The following SFSWAP variants were observed in gnomAD, a reference collection of about 807,000 sequenced individuals.
The protein encoded by SFSWAP is splicing factor SWAP.
SFSWAP carries 17 observed loss-of-function variants against 100.7 expected under a neutral mutation model. That is an observed-to-expected ratio of 0.17 (90% CI 0.12 to 0.25). The LOEUF is 0.25. Ranked by LOEUF, SFSWAP falls within the 10% of genes least tolerant of loss-of-function variation. The pLI, the probability that SFSWAP is intolerant of heterozygous loss-of-function variation, is 1.00. For missense variants in SFSWAP, 1,005 were observed against 1,262.6 expected, an observed-to-expected ratio of 0.80 and a Z score of 3.09; for synonymous variants, 504 against 510.1, an observed-to-expected ratio of 0.99 and a Z score of 0.16.
At chr12:131,741,648 A>AC (rs1168203535) in intron 7 of SFSWAP, among the ~76,000 whole-genome samples, 21 of 151,866 alleles carry the variant, frequency 1.4e-4, no homozygotes, top group African/African-American at 5.1e-4. Flanking sequence ...TCTGTCCAAA[A>AC]AAAAAAAAAA....
chr12:131,720,038 A>T (rs965020760), intron 4 of SFSWAP, among the ~76,000 whole-genome samples: 6 of 152,178 alleles, frequency 3.9e-5, no homozygotes, highest in Non-Finnish European at 8.8e-5. Flanking sequence ...CCACTGATGA[A>T]GGGGAATTCC....
chr12:131,767,975 T>A (rs1209870906), intron 13 of SFSWAP, among the ~76,000 whole-genome samples: 1 of 152,218 alleles, frequency 6.6e-6, no homozygotes, highest in East Asian at 1.9e-4. Flanking sequence ...TTTGAAAAGT[T>A]TCAAACCTTC....
chr12:131,786,715 A>ACCACCCCC, intron 15 of SFSWAP, 127 bp downstream of exon 15: 1 of 944,986 alleles, frequency 1.1e-6, no homozygotes, highest in Non-Finnish European at 1.5e-6. Context: ...TGAGTCCCCC[A>ACCACCCCC]CCACCCCCCC....
chr12:131,738,745 ATCTC>A (rs1593131341), intron 7 of SFSWAP, among the ~76,000 whole-genome samples: 2 of 152,134 alleles, frequency 1.3e-5, no homozygotes, highest in African/African-American at 2.4e-5. Context: ...GTGCATGTGT[ATCTC>A]TCTCTTCTAG....
intron 11 of SFSWAP, among the ~76,000 whole-genome samples, chr12:131,763,223 C>T (rs7488468): frequency 0.31 from 46,609 of 152,050 alleles, 8,765 homozygotes; most frequent in Non-Finnish European, 0.44. Context: ...AGCCAGGTAG[C>T]CCACCCTGTG....
intron 15 of SFSWAP, 128 bp downstream of exon 15, chr12:131,786,716 C>G (rs941147558): frequency 3.3e-6 from 3 of 897,394 alleles, no homozygotes; most frequent in Non-Finnish European, 5.0e-6. Context: ...GAGTCCCCCA[C>G]CACCCCCCCA....
At position 131,799,643 on chromosome 12, in the gene SFSWAP, A is replaced by G; in HGVS notation, c.*155A>G. 1.6e-6 allele frequency: 1 copy of G among 617,986 alleles called. No individual in the cohort carries two copies. 38.3% of individuals were successfully genotyped at this position (617,986 alleles called of 1,614,324 possible). A position where few individuals can be genotyped will look rare whatever the true frequency, so the allele number is the denominator to read the frequency against. ...GACATTTTGAGTTTTAAGATTTCTG[A>G]CCAGCAGTCTCTTACCTGTATATTT... is the stretch of plus-strand genomic sequence containing the variant. On this transcript the variant is annotated 3_prime_UTR_variant, in exon 18 of 18. Transcript: ENST00000261674.
chr12:131,724,757 T>C (rs1043077384), intron 4 of SFSWAP, among the ~76,000 whole-genome samples: 3 of 152,196 alleles, frequency 2.0e-5, no homozygotes, highest in African/African-American at 7.2e-5. Context: ...GGGAAGAAAC[T>C]CACCTGGAGT....
Position 131,778,365 on chromosome 12 carries a change from C to A in SFSWAP, c.2408+35C>A. On this transcript the variant is annotated intron_variant, in intron 14 of 17. Transcript: ENST00000261674. This position sits in a 1 kb window ranked among gnomAD's most constrained non-coding sequence, Gnocchi z 4.2. ...AAGGGGGCAGCACCTCTGGTACCCT[C>A]ATGACCCCCATGTCCTTCACAGGAC... The A allele has an allele frequency of 1.3e-6, 2 of 1,596,804 alleles. No homozygotes were observed. Among genetic ancestry groups the A allele is most frequent in the South Asian group, 1.1e-5 (1 of 89,688 alleles).
rs748426540 is a variant in SFSWAP, at chr12:131,719,560, C to G, written c.606+21C>G. The G allele has an allele frequency of 1.9e-6, 3 of 1,547,028 alleles. No homozygotes were observed. The East Asian group carries it at 6.7e-5, about 35-fold the overall frequency. On this transcript the variant is annotated intron_variant, in intron 4 of 17. Transcript: ENST00000261674. ...AGTTGGTATGTGTCCTGCATGAGCA[C>G]TAGTTGTCGTCATTATTATTTATCA... is the stretch of plus-strand genomic sequence containing the variant.
At position 131,778,573 on chromosome 12, in the gene SFSWAP, A is replaced by AATGGC. The variant is rs1454273198; in HGVS notation, c.2408+243_2408+244insATGGC. Among the ~76,000 whole-genome samples the AATGGC allele has an allele frequency of 1.3e-5, 2 of 152,144 alleles. No individual in the cohort carries two copies. Among genetic ancestry groups the AATGGC allele is most frequent in the African/African-American group, 4.8e-5 (2 of 41,438 alleles). On this transcript the variant is annotated intron_variant, in intron 14 of 17. Transcript: ENST00000261674. This position sits in a 1 kb window ranked among gnomAD's most constrained non-coding sequence, Gnocchi z 4.2. ...GTTCTTGTTGCCCAGGCTAGAGTGC[A>AATGGC]GTGGTGCGATCTTGGCTCACTGCAA...
At chr12:131,784,136 A>G (rs1000245336) in intron 14 of SFSWAP, 1 of 152,178 alleles carries the variant, frequency 6.6e-6, no homozygotes, top group Non-Finnish European at 1.5e-5. Context: ...TGCAAAGTGA[A>G]TCAAAGTGAA....
Position 131,756,578 on chromosome 12 carries a change from G to T in SFSWAP, c.1654G>T (p.Ala552Ser), listed in dbSNP as rs777327510. ...AGACGCAGCCGAGGTGGGAGCACGG[G>T]CAGGCTCAGGCGGGAAGAAGGAGGC... is the stretch of plus-strand genomic sequence containing the variant. ...PEDAAEVGAR[A>S]GSGGKKEASS... The change falls in exon 11 of 18, where the codon GCA becomes TCA. Residue 552 changes from alanine to serine, a missense_variant. Ala to Ser is a moderately conservative substitution (Grantham distance 99). Coordinates refer to ENST00000261674, the MANE Select transcript of SFSWAP (RefSeq NM_004592.4). 58 of 1,613,376 alleles carry T rather than the reference G, an allele frequency of 3.6e-5. No individual in the cohort carries two copies. In the South Asian group the frequency reaches 5.7e-4, roughly 16 times the overall value.
intron 11 of SFSWAP, among the ~76,000 whole-genome samples, chr12:131,760,901 GTC>G (rs1882616582): frequency 6.6e-6 from 1 of 152,126 alleles, no homozygotes; most frequent in Admixed American, 6.5e-5. Context: ...GTGAAACCCT[GTC>G]TCTACTAAAA....
rs1293353551 is a variant in SFSWAP at position 131,725,272 on chromosome 12, C to T, written c.607-133C>T. The T allele has an allele frequency of 1.3e-6, 1 of 766,698 alleles. No individual in the cohort carries two copies. Among genetic ancestry groups the T allele is most frequent in the Non-Finnish European group, 2.2e-6 (1 of 458,724 alleles). 47.5% of individuals were successfully genotyped at this position (766,698 alleles called of 1,614,324 possible). On this transcript the variant is annotated intron_variant, in intron 4 of 17. Transcript: ENST00000261674. The surrounding 1 kb of genome is among the most constrained non-coding windows in gnomAD (Gnocchi z 4.3). ...AGATGAGGAGTCCGAACAGCCTGGG[C>T]TCTTCCAGCTTAAAGTCTCGTATCT...
intron 15 of SFSWAP, among the ~76,000 whole-genome samples, chr12:131,795,672 C>T (rs1885587496): frequency 6.6e-6 from 1 of 151,878 alleles, no homozygotes; most frequent in South Asian, 2.1e-4. Context: ...TGCACAGGCC[C>T]TGGAGGTCTC....
chr12:131,793,356 C>G (rs924053233), intron 15 of SFSWAP, among the ~76,000 whole-genome samples: 1 of 152,144 alleles, frequency 6.6e-6, no homozygotes, highest in African/African-American at 2.4e-5. Flanking sequence ...AATGCTGTGA[C>G]TGCAGGCATG....
At chr12:131,715,142 G>C (rs1454553888) in intron 3 of SFSWAP, among the ~76,000 whole-genome samples, 189 bp downstream of exon 3, 6 of 152,216 alleles carry the variant, frequency 3.9e-5, no homozygotes, top group Admixed American at 3.9e-4. Context: ...GATTAATGGA[G>C]GTGGAAAGTG....
rs927463035 is a variant in SFSWAP at position 131,711,112 on chromosome 12, C to A, written c.-118C>A. 1.3e-5 allele frequency: 10 copies of A among 775,172 alleles called. No homozygotes were observed. Among genetic ancestry groups the A allele is most frequent in the African/African-American group, 7.0e-5 (4 of 56,756 alleles). 48.0% of individuals were successfully genotyped at this position (775,172 alleles called of 1,614,324 possible). On this transcript the variant is annotated 5_prime_UTR_variant, in exon 1 of 18. Coordinates refer to ENST00000261674, the MANE Select transcript of SFSWAP (RefSeq NM_004592.4). The surrounding 1 kb of genome is among the most constrained non-coding windows in gnomAD (Gnocchi z 4.9). ...ACCATTTTGTGGCCCGCTATGGCGGCGGTGTTGAGGTTGGGTACGGGATGC... is the reference window on the plus strand; with the variant it reads ...ACCATTTTGTGGCCCGCTATGGCGGAGGTGTTGAGGTTGGGTACGGGATGC...
Sources: allele counts gnomAD v4.1 joint callset (sites outside exome capture counted in the v4.1 genomes callset), GRCh38; gene constraint gnomAD v4.1.1; non-coding constraint Gnocchi (gnomAD v3.1); transcripts MANE v1.5; gene names NCBI Gene and HGNC (gene_info 2026-07-23, HGNC 2026-07-21).